ARHGAP17: variants seen among roughly 807,000 people sequenced by gnomAD.
ARHGAP17 encodes the protein rho GTPase-activating protein 17.
In ARHGAP17, 57 loss-of-function variants were observed where a neutral mutation model predicts 99.5. That is an observed-to-expected ratio of 0.57 (90% confidence interval 0.46 to 0.71). The LOEUF is 0.71. Ranked by LOEUF, ARHGAP17 falls within the 30% of genes least tolerant of loss-of-function variation. ARHGAP17 has a pLI of 0.00. For synonymous variants in ARHGAP17, 417 were observed against 429.6 expected (o/e 0.97, Z 0.36); for missense variants, 1,000 against 1,122.4 (o/e 0.89, Z 1.56).
chr16:24,923,533 C>A (rs1185911667), intron 19 of ARHGAP17, among the ~76,000 whole-genome samples: 2 of 152,006 alleles, frequency 1.3e-5, no homozygotes, highest in African/African-American at 2.4e-5. Flanking sequence ...GAGACCAGCC[C>A]AGGCAACATG....
At chr16:24,940,644 T>C (rs937683909) in intron 16 of ARHGAP17, among the ~76,000 whole-genome samples, 1 of 152,162 alleles carries the variant, frequency 6.6e-6, no homozygotes, top group Non-Finnish European at 1.5e-5. Context: ...AAGGCTGCTG[T>C]GAGCCATGAT....
chr16:24,988,423 A>T (rs142247495), intron 1 of ARHGAP17, among the ~76,000 whole-genome samples: 80 of 152,342 alleles, frequency 5.3e-4, no homozygotes, highest in African/African-American at 1.8e-3. Flanking sequence ...TATTTTGGCA[A>T]TGACGTGGGA....
chr16:24,930,695 C>G (rs776915393), intron 19 of ARHGAP17, 89 bp downstream of exon 19: 1 of 1,611,268 alleles, frequency 6.2e-7, no homozygotes, highest in African/African-American at 1.3e-5. Context: ...TTGCTGACAC[C>G]TGGCATAAAT....
At chr16:24,969,210 T>C (rs2052286735) in intron 4 of ARHGAP17, among the ~76,000 whole-genome samples, 1 of 152,236 alleles carries the variant, frequency 6.6e-6, no homozygotes, top group African/African-American at 2.4e-5. Flanking sequence ...AGGGCCCTGT[T>C]ACATAAATAT....
intron 1 of ARHGAP17, among the ~76,000 whole-genome samples, chr16:24,984,661 C>CAA (rs879319418): frequency 7.7e-6 from 1 of 129,328 alleles, no homozygotes; most frequent in Non-Finnish European, 1.7e-5. Flanking sequence ...GACTCCGTCT[C>CAA]AAAAAAAAAA....
At chr16:24,924,205 T>C (rs774540102) in intron 19 of ARHGAP17, among the ~76,000 whole-genome samples, 42 of 152,078 alleles carry the variant, frequency 2.8e-4, no homozygotes, top group Non-Finnish European at 5.1e-4. Flanking sequence ...CTCTGGTTGA[T>C]TGTTGTAAAA....
At chr16:24,964,097 T>A in intron 7 of ARHGAP17, 100 bp downstream of exon 7, 1 of 749,682 alleles carries the variant, frequency 1.3e-6, no homozygotes, top group Non-Finnish European at 2.1e-6. Flanking sequence ...TTCAAAATAT[T>A]CTGATAGAAA....
At chr16:24,963,553 A>C (rs1408526859) in intron 7 of ARHGAP17, among the ~76,000 whole-genome samples, 1 of 152,196 alleles carries the variant, frequency 6.6e-6, no homozygotes, top group Non-Finnish European at 1.5e-5. Flanking sequence ...CTCCCCGAAG[A>C]CCTATTCCTT....
chr16:24,996,676 G>A (rs1191970682), intron 1 of ARHGAP17, among the ~76,000 whole-genome samples: 1 of 152,144 alleles, frequency 6.6e-6, no homozygotes, highest in Non-Finnish European at 1.5e-5. Flanking sequence ...ACCTAAGAGC[G>A]GGGTAATCTC....
At chr16:25,006,629 A>G (rs1317978501) in intron 1 of ARHGAP17, among the ~76,000 whole-genome samples, 4 of 152,152 alleles carry the variant, frequency 2.6e-5, no homozygotes, top group African/African-American at 7.2e-5. Flanking sequence ...GATAAATACC[A>G]TAGGCGTTGC....
intron 1 of ARHGAP17, among the ~76,000 whole-genome samples, chr16:24,979,657 A>G (rs2141363348): frequency 6.6e-6 from 1 of 152,234 alleles, no homozygotes; most frequent in East Asian, 1.9e-4. Flanking sequence ...AGAAGGGGGC[A>G]TTCCGAGCTG....
At chr16:25,014,451 G>T (rs2053727633) in intron 1 of ARHGAP17, among the ~76,000 whole-genome samples, 1 of 152,162 alleles carries the variant, frequency 6.6e-6, no homozygotes, top group Non-Finnish European at 1.5e-5. Flanking sequence ...AATCAATAAC[G>T]TTTCTTGTTA....
chr16:24,943,839 G>A lies in ARHGAP17; in HGVS notation c.1265C>T (p.Ala422Val). The A allele has an allele frequency of 1.2e-6, 2 of 1,614,182 alleles. No homozygotes were observed. Among genetic ancestry groups the A allele is most frequent in the Non-Finnish European group, 1.7e-6 (2 of 1,180,038 alleles). Residue 422 changes from alanine to valine, a missense_variant, in exon 15 of 20, where the codon GCC becomes GTC. Around this residue, in one of 2 missense-constraint regions of ARHGAP17, gnomAD observed 472 missense variants for 611.1 expected, o/e 0.77. Coordinates refer to ENST00000289968, the MANE Select transcript of ARHGAP17 (RefSeq NM_001006634.3). ...CACTGCAACCACATGGACGGATGTG[G>A]CTGCTGCCATTTCAGCAAGTGTTCT... ...NEGTLAEMAA[A>V]TSVHVVAVIE...
chr16:24,986,168 G>A (rs916832106), intron 1 of ARHGAP17, among the ~76,000 whole-genome samples: 2 of 152,198 alleles, frequency 1.3e-5, no homozygotes, highest in Non-Finnish European at 2.9e-5. Flanking sequence ...TTTGCTGGGT[G>A]CTTTCTATGC....
intron 9 of ARHGAP17, 35 bp downstream of exon 9, chr16:24,959,636 A>G: frequency 6.2e-7 from 1 of 1,602,834 alleles, no homozygotes; most frequent in Non-Finnish European, 8.5e-7. Flanking sequence ...GGCAGAGGCA[A>G]GAAGGAAGCA....
At chr16:24,970,154 C>G (rs994108897) in intron 4 of ARHGAP17, among the ~76,000 whole-genome samples, 2 of 151,982 alleles carry the variant, frequency 1.3e-5, no homozygotes, top group African/African-American at 4.8e-5. Context: ...TGACTAAGAA[C>G]TGAAAGGGTC....
intron 19 of ARHGAP17, among the ~76,000 whole-genome samples, chr16:24,926,109 GAAAAA>G (rs1175708408): frequency 9.3e-6 from 1 of 107,112 alleles, no homozygotes; most frequent in South Asian, 3.1e-4. Context: ...GACTCCGTCT[GAAAAA>G]AAAAAAAGAA....
chr16:24,931,131 G>A lies in ARHGAP17; in HGVS notation c.2168C>T (p.Thr723Met), dbSNP rs144523350. The change falls in exon 19 of 20, where the codon ACG (threonine) becomes ATG (methionine). Residue 723 changes from threonine to methionine, a missense_variant. Thr to Met is a moderately conservative substitution (Grantham distance 81). Transcript: ENST00000289968. ...HPPPQPPTQA[T>M]PLMHTKPNSQ... ...ATTGGGTTTGGTGTGCATCAGTGGC[G>A]TGGCCTGCGTAGGGGGCTGCGGCGG... The A allele has an allele frequency of 8.1e-6, 13 of 1,605,948 alleles. No individual in the cohort carries two copies. The highest frequency in any genetic ancestry group is 4.5e-5 in the South Asian group (4 of 89,388).
chr16:24,966,289 G>C (rs1205552759), intron 6 of ARHGAP17, among the ~76,000 whole-genome samples: 1 of 152,108 alleles, frequency 6.6e-6, no homozygotes, highest in Non-Finnish European at 1.5e-5. Context: ...TTGCGGCCAG[G>C]AGTTTGAGAC....
Sources: gnomAD v4.1 joint callset for allele counts (sites outside exome capture counted in the v4.1 genomes callset) on GRCh38, gnomAD v4.1.1 for gene constraint, gnomAD v4.1.1 regional missense constraint, MANE v1.5 for transcripts, NCBI Gene and HGNC (gene_info 2026-07-23, HGNC 2026-07-21) for gene names.